The following MYO1D variants were observed in gnomAD, a reference collection of about 807,000 sequenced individuals.
The protein encoded by MYO1D is myosin ID.
In MYO1D, 83 loss-of-function variants were observed where a neutral mutation model predicts 122.0. The observed-to-expected ratio is 0.68, with a 90% CI of 0.57 to 0.82. The LOEUF is 0.82. MYO1D is among the 40% of genes least tolerant of loss of function. The pLI is 0.00. For missense variants in MYO1D, 1,157 were observed against 1,269.5 expected, an observed-to-expected ratio of 0.91 and a Z score of 1.35; for synonymous variants, 464 against 446.9, an observed-to-expected ratio of 1.04 and a Z score of -0.48.
chr17:32,754,249 A>G (rs2089925394), intron 11 of MYO1D, among the ~76,000 whole-genome samples: 1 of 152,150 alleles, frequency 6.6e-6, no homozygotes, highest in African/African-American at 2.4e-5. Flanking sequence ...ATCACTCTAA[A>G]TTATTTAGGT....
chr17:32,650,451 G>A (rs1325686576), intron 19 of MYO1D, among the ~76,000 whole-genome samples: 1 of 151,990 alleles, frequency 6.6e-6, no homozygotes, highest in Non-Finnish European at 1.5e-5. Context: ...CAAATTTTGG[G>A]GAAATATCAG....
At chr17:32,849,720 G>A (rs1480656520) in intron 1 of MYO1D, among the ~76,000 whole-genome samples, 5 of 151,956 alleles carry the variant, frequency 3.3e-5, no homozygotes, top group African/African-American at 7.3e-5. Context: ...GCTAGATGAC[G>A]AGTTAGTGGG....
intron 16 of MYO1D, among the ~76,000 whole-genome samples, chr17:32,668,518 C>T (rs2088666285): frequency 6.6e-6 from 1 of 152,124 alleles, no homozygotes; most frequent in African/African-American, 2.4e-5. Context: ...AAGATCCAGC[C>T]AAAGGTATAC....
intron 6 of MYO1D, among the ~76,000 whole-genome samples, chr17:32,769,458 A>T (rs1400960178): frequency 2.0e-5 from 3 of 152,156 alleles, no homozygotes; most frequent in African/African-American, 7.2e-5. Flanking sequence ...TTGTTTTTGG[A>T]GACTTTTAAT....
intron 1 of MYO1D, among the ~76,000 whole-genome samples, chr17:32,808,456 A>T (rs923147567): frequency 2.0e-5 from 3 of 152,190 alleles, no homozygotes; most frequent in Admixed American, 2.0e-4. Flanking sequence ...GGAATGCAGT[A>T]AAAGTTTTCC....
At chr17:32,618,985 A>G (rs2087816739) in intron 20 of MYO1D, among the ~76,000 whole-genome samples, 1 of 152,070 alleles carries the variant, frequency 6.6e-6, no homozygotes, top group Non-Finnish European at 1.5e-5. Flanking sequence ...TGTTGCAAGA[A>G]TCTTGTCTTC....
At position 32,638,875 on chromosome 17, in the gene MYO1D, A is replaced by G. The variant is rs769320204; in HGVS notation, c.2596-40T>C. On this transcript the variant is annotated intron_variant, in intron 19 of 21. Transcript: ENST00000318217. Reference sequence around the variant, plus strand: ...ACCAATAAACCATAGTATCTCATCAATAAGGAAATCAAGTTGGCTGATTGT... The same window carrying G: ...ACCAATAAACCATAGTATCTCATCAGTAAGGAAATCAAGTTGGCTGATTGT... The G allele has an allele frequency of 2.2e-6, 3 of 1,385,012 alleles. No homozygotes were observed. The South Asian group carries it at 3.5e-5, about 16-fold the overall frequency. The allele number at this position is 1,385,012 out of a possible 1,614,324, so 85.8% of individuals were successfully genotyped here.
chr17:32,564,959 A>G (rs2087159205), intron 21 of MYO1D, among the ~76,000 whole-genome samples: 1 of 152,258 alleles, frequency 6.6e-6, no homozygotes. Flanking sequence ...TTCCTGCTTC[A>G]TAATGCATAT....
At chr17:32,615,082 C>T (rs1321805915) in intron 20 of MYO1D, among the ~76,000 whole-genome samples, 3 of 152,172 alleles carry the variant, frequency 2.0e-5, no homozygotes, top group South Asian at 2.1e-4. Flanking sequence ...AAGTAGCGGT[C>T]GTTTCATTCC....
chr17:32,732,244 G>A (rs907781135), intron 14 of MYO1D, among the ~76,000 whole-genome samples: 27 of 152,230 alleles, frequency 1.8e-4, no homozygotes, highest in African/African-American at 6.5e-4. Flanking sequence ...GCAGACAGGT[G>A]CCTGGGCAGA....
chr17:32,550,936 T>C (rs959927151), intron 21 of MYO1D, among the ~76,000 whole-genome samples: 2 of 151,050 alleles, frequency 1.3e-5, no homozygotes, highest in African/African-American at 4.9e-5. Flanking sequence ...GATTGTACCA[T>C]TGCCTTCCAG....
At chr17:32,517,710 C>T (rs962955848) in intron 21 of MYO1D, among the ~76,000 whole-genome samples, 1 of 152,224 alleles carries the variant, frequency 6.6e-6, no homozygotes, top group African/African-American at 2.4e-5. Flanking sequence ...ATAAATGCTC[C>T]AATTAGCTGC....
At position 32,690,777 on chromosome 17, in the gene MYO1D, C is replaced by T. The variant is rs143840507; in HGVS notation, c.2121+21211G>A. 1.6e-3 allele frequency among the ~76,000 whole-genome samples: 247 copies of T among 152,234 alleles called. 1 individual carries two copies. The highest frequency in any genetic ancestry group is 5.6e-3 in the African/African-American group (231 of 41,544). Reference sequence around the variant, plus strand: ...GAGGGCCTCACCAGGAGCAGATGACCGCACCATGCTTCCTATACAGCCTGC... The same window carrying T: ...GAGGGCCTCACCAGGAGCAGATGACTGCACCATGCTTCCTATACAGCCTGC... On this transcript the variant is annotated intron_variant, in intron 16 of 21. Transcript: ENST00000318217.
At chr17:32,726,717 ATATATT>A (rs2150995384) in intron 14 of MYO1D, among the ~76,000 whole-genome samples, 1 of 149,410 alleles carries the variant, frequency 6.7e-6, no homozygotes, top group South Asian at 2.1e-4. Flanking sequence ...AATATAATAA[ATATATT>A]TATATCTAAA....
At chr17:32,834,243 C>T (rs558973178) in intron 1 of MYO1D, among the ~76,000 whole-genome samples, 1 of 152,296 alleles carries the variant, frequency 6.6e-6, no homozygotes, top group East Asian at 1.9e-4. Context: ...ATTAGTAGAA[C>T]ACTTTGGGAG....
At chr17:32,738,504 C>CAA in intron 13 of MYO1D, 119 bp from the exon 14 acceptor site, 1 of 1,046,314 alleles carries the variant, frequency 9.6e-7, no homozygotes, top group Non-Finnish European at 1.3e-6. Context: ...ATTCAACTCA[C>CAA]AAGGCCTAAT....
At chr17:32,618,280 T>C (rs1483222288) in intron 20 of MYO1D, among the ~76,000 whole-genome samples, 3 of 152,236 alleles carry the variant, frequency 2.0e-5, no homozygotes, top group Admixed American at 1.3e-4. Flanking sequence ...AGGAAAATAA[T>C]TGTAATCAAC....
intron 1 of MYO1D, among the ~76,000 whole-genome samples, chr17:32,865,196 TA>T (rs1205316471): frequency 6.6e-6 from 1 of 152,234 alleles, no homozygotes; most frequent in Non-Finnish European, 1.5e-5. Context: ...ATTTGACTTT[TA>T]ATTGACTATA....
intron 7 of MYO1D, 65 bp downstream of exon 7, chr17:32,767,571 A>G (rs2090070300): frequency 8.8e-7 from 1 of 1,130,204 alleles, no homozygotes; most frequent in Admixed American, 2.4e-5. Flanking sequence ...AAAAAACAAA[A>G]TCTTCTGAGA....
Sources: gnomAD v4.1 joint callset for allele counts (sites outside exome capture counted in the v4.1 genomes callset) on GRCh38, gnomAD v4.1.1 for gene constraint, MANE v1.5 for transcripts, NCBI Gene and HGNC (gene_info 2026-07-23, HGNC 2026-07-21) for gene names.